SGCD: variants seen among roughly 807,000 people sequenced by gnomAD.
SGCD encodes delta-sarcoglycan.
A neutral mutation model predicts 36.6 loss-of-function variants in SGCD; 18 were observed. The observed-to-expected ratio is 0.49, with a 90% confidence interval of 0.34 to 0.73. The LOEUF (loss-of-function observed/expected upper bound fraction) is 0.73. SGCD is among the 30% of genes least tolerant of loss of function. SGCD has a pLI of 0.01. For synonymous variants in SGCD, 133 were observed against 130.6 expected, an observed-to-expected ratio of 1.02 and a Z score of -0.12; for missense variants, 387 against 346.7, an observed-to-expected ratio of 1.12 and a Z score of -0.92.
intron 3 of SGCD, among the ~76,000 whole-genome samples, chr5:156,472,416 G>T (rs1581042012): frequency 6.6e-6 from 1 of 152,080 alleles, no homozygotes; most frequent in African/African-American, 2.4e-5. Flanking sequence ...CAATGACACA[G>T]ATAATTTTTT....
chr5:155,824,585 G>A, the SGCD span, among the ~76,000 whole-genome samples: 1 of 151,928 alleles, frequency 6.6e-6, no homozygotes, highest in African/African-American at 2.4e-5. Flanking sequence ...AAAATTTATA[G>A]TTTATGGAGT....
rs992791884 is a variant in SGCD at position 156,730,170 on chromosome 5, T to A, written c.576-27411T>A. ...TTTAAGATTCAGATAAGTGAACACT[T>A]ATCCAAAATCACAGGTCTACTAAGT... On this transcript the variant is annotated intron_variant, in intron 7 of 8. Transcript: ENST00000337851. 2.0e-5 allele frequency among the ~76,000 whole-genome samples: 3 copies of A among 152,330 alleles called. No individual in the cohort carries two copies. In the East Asian group the frequency reaches 5.8e-4, roughly 29 times the overall value.
At chr5:156,372,309 A>C (rs1470996743) in intron 3 of SGCD, among the ~76,000 whole-genome samples, 4 of 152,180 alleles carry the variant, frequency 2.6e-5, no homozygotes, top group African/African-American at 9.6e-5. Flanking sequence ...CCATTATTTG[A>C]CTTGCATATT....
chr5:156,692,237 G>A (rs188225734), intron 7 of SGCD, among the ~76,000 whole-genome samples: 4 of 152,320 alleles, frequency 2.6e-5, no homozygotes, highest in East Asian at 1.9e-4. Context: ...CAATGAGAAT[G>A]AAGAGTTTTC....
intron 7 of SGCD, among the ~76,000 whole-genome samples, chr5:156,750,806 T>C (rs1313836403): frequency 6.6e-6 from 1 of 152,218 alleles, no homozygotes; most frequent in Non-Finnish European, 1.5e-5. Context: ...TAGATATCTA[T>C]ATTTCAGGAA....
intron 1 of SGCD, among the ~76,000 whole-genome samples, chr5:156,028,999 C>A (rs533451738): frequency 1.3e-5 from 2 of 151,864 alleles, no homozygotes; most frequent in African/African-American, 4.8e-5. Context: ...TGAACAAAAT[C>A]AAACATTTTT....
At chr5:156,086,553 A>G (rs1761098615) in intron 1 of SGCD, among the ~76,000 whole-genome samples, 1 of 152,204 alleles carries the variant, frequency 6.6e-6, no homozygotes, top group South Asian at 2.1e-4. Context: ...GACTTGAGTT[A>G]TTGTCCCATC....
At chr5:156,117,770 G>T (rs1200867732) in intron 1 of SGCD, 1 of 152,100 alleles carries the variant, frequency 6.6e-6, no homozygotes, top group Non-Finnish European at 1.5e-5. Flanking sequence ...AATGCTTTTA[G>T]CCAGTATTAT....
At chr5:156,123,486 A>G (rs577067081) in intron 2 of SGCD, among the ~76,000 whole-genome samples, 1 of 152,224 alleles carries the variant, frequency 6.6e-6, no homozygotes, top group African/African-American at 2.4e-5. Context: ...GACCAGTGTT[A>G]AACACATTGT....
chr5:156,436,285 A>G (rs1418632242), intron 3 of SGCD, among the ~76,000 whole-genome samples: 1 of 152,236 alleles, frequency 6.6e-6, no homozygotes, highest in Admixed American at 6.5e-5. Flanking sequence ...TTAAAATGCT[A>G]TGTTGTTCTC....
intron 2 of SGCD, among the ~76,000 whole-genome samples, chr5:156,339,764 A>G (rs1233780777): frequency 6.6e-6 from 1 of 152,236 alleles, no homozygotes; most frequent in Non-Finnish European, 1.5e-5. Context: ...AATATTAGGA[A>G]TACAAACAAG....
At chr5:156,163,274 T>C (rs1411755318) in intron 3 of SGCD, among the ~76,000 whole-genome samples, 1 of 151,610 alleles carries the variant, frequency 6.6e-6, no homozygotes, top group African/African-American at 2.4e-5. Context: ...TCACCACTTG[T>C]GTATGCAAAT....
chr5:155,999,661 G>A (rs1758623813), intron 1 of SGCD, among the ~76,000 whole-genome samples: 3 of 152,216 alleles, frequency 2.0e-5, no homozygotes, highest in African/African-American at 4.8e-5. Flanking sequence ...GCAACACAAA[G>A]GTGTCTTTCG....
chr5:156,072,729 C>T, intron 1 of SGCD, among the ~76,000 whole-genome samples: 1 of 152,178 alleles, frequency 6.6e-6, no homozygotes, highest in Non-Finnish European at 1.5e-5. Context: ...AGAGTGTTTT[C>T]CAACTTGGTT....
intron 3 of SGCD, among the ~76,000 whole-genome samples, chr5:156,421,788 T>A (rs1773322372): frequency 6.6e-6 from 1 of 152,042 alleles, no homozygotes; most frequent in Non-Finnish European, 1.5e-5. Flanking sequence ...CACTTACTCT[T>A]TATTGCCTTT....
intron 3 of SGCD, among the ~76,000 whole-genome samples, chr5:156,479,260 T>A (rs1172118762): frequency 1.3e-5 from 2 of 151,536 alleles, no homozygotes; most frequent in African/African-American, 2.4e-5. Flanking sequence ...GTCTGGCTAA[T>A]TTTTTTTGTA....
At chr5:156,300,042 C>A (rs768776717) in intron 3 of SGCD, among the ~76,000 whole-genome samples, 3 of 151,850 alleles carry the variant, frequency 2.0e-5, no homozygotes, top group Non-Finnish European at 4.4e-5. Context: ...AGTTTTTTCC[C>A]CATTCAGTAT....
intron 3 of SGCD, among the ~76,000 whole-genome samples, chr5:156,300,533 A>G (rs988061704): frequency 5.3e-5 from 8 of 152,132 alleles, no homozygotes; most frequent in African/African-American, 1.4e-4. Flanking sequence ...GACCTAACAT[A>G]TGGTCTATCC....
intron 1 of SGCD, among the ~76,000 whole-genome samples, chr5:156,096,468 G>A (rs1375905508): frequency 6.6e-6 from 1 of 152,184 alleles, no homozygotes; most frequent in Non-Finnish European, 1.5e-5. Flanking sequence ...TGGGTATGCA[G>A]GAAGGGTGAG....
Sources: gnomAD v4.1 joint callset for allele counts (sites outside exome capture counted in the v4.1 genomes callset) on GRCh38, gnomAD v4.1.1 for gene constraint, MANE v1.5 for transcripts, NCBI Gene and HGNC (gene_info 2026-07-23, HGNC 2026-07-21) for gene names.